Variants in ADAMTSL1 observed in about 807,000 individuals in gnomAD.
ADAMTSL1 encodes the protein ADAMTS-like protein 1.
ADAMTSL1 carries 126 observed loss-of-function variants against 201.8 expected under a neutral mutation model. The observed-to-expected ratio is 0.62, with a 90% confidence interval of 0.54 to 0.72. The LOEUF (loss-of-function observed/expected upper bound fraction) is 0.72. ADAMTSL1 is among the 30% of genes least tolerant of loss of function. ADAMTSL1 has a pLI of 0.00. For synonymous variants in ADAMTSL1, 1,121 were observed against 903.4 expected, an observed-to-expected ratio of 1.24 and a Z score of -4.32; for missense variants, 2,679 against 2,277.8, an observed-to-expected ratio of 1.18 and a Z score of -3.59.
chr9:18,403,983 C>A (rs1490459919), intron 2 of ADAMTSL1, among the ~76,000 whole-genome samples: 2 of 152,044 alleles, frequency 1.3e-5, no homozygotes, highest in Admixed American at 6.6e-5. Flanking sequence ...AAATTGAGTG[C>A]CCCGTGGAAG....
intron 2 of ADAMTSL1, among the ~76,000 whole-genome samples, chr9:18,187,551 A>G (rs978170233): frequency 1.3e-5 from 2 of 152,126 alleles, no homozygotes; most frequent in Non-Finnish European, 2.9e-5. Flanking sequence ...AAATTTAAAT[A>G]TGTGTATACA....
intron 2 of ADAMTSL1, among the ~76,000 whole-genome samples, chr9:18,201,487 A>G (rs1294217961): frequency 6.6e-6 from 1 of 152,112 alleles, no homozygotes; most frequent in Non-Finnish European, 1.5e-5. Context: ...ATATTCTTGG[A>G]AAGTTCCTAA....
intron 2 of ADAMTSL1, among the ~76,000 whole-genome samples, chr9:18,410,087 A>C (rs76194201): frequency 0.13 from 19,258 of 151,948 alleles, 1,533 homozygotes; most frequent in South Asian, 0.24. Context: ...ACATTAAACA[A>C]ATGTTTAATC....
chr9:18,270,605 A>G (rs980265161), intron 2 of ADAMTSL1, among the ~76,000 whole-genome samples: 1 of 152,186 alleles, frequency 6.6e-6, no homozygotes, highest in Non-Finnish European at 1.5e-5. Context: ...CAGTCAGCCT[A>G]TTGCCTTATT....
chr9:18,057,607 A>G (rs1822254521), intron 1 of ADAMTSL1, among the ~76,000 whole-genome samples: 1 of 152,134 alleles, frequency 6.6e-6, no homozygotes, highest in Admixed American at 6.5e-5. Flanking sequence ...TAAAATGAAA[A>G]TCTGACTGTG....
chr9:18,772,326 G>T (rs1489972959), intron 17 of ADAMTSL1, among the ~76,000 whole-genome samples: 1 of 152,172 alleles, frequency 6.6e-6, no homozygotes, highest in Non-Finnish European at 1.5e-5. Flanking sequence ...TGTGTTCCTG[G>T]AGTTTGTGGC....
chr9:18,126,979 A>G (rs889305349), intron 1 of ADAMTSL1, among the ~76,000 whole-genome samples: 1 of 152,130 alleles, frequency 6.6e-6, no homozygotes. Flanking sequence ...TGGGTGGGGA[A>G]GGAGAAGTGA....
intron 1 of ADAMTSL1, among the ~76,000 whole-genome samples, chr9:17,938,446 T>C (rs953678061): frequency 6.6e-6 from 1 of 152,156 alleles, no homozygotes; most frequent in Non-Finnish European, 1.5e-5. Context: ...TTACTGTCCA[T>C]CCTCATGCCA....
chr9:18,275,495 A>G (rs1295218103), intron 2 of ADAMTSL1, among the ~76,000 whole-genome samples: 3 of 152,262 alleles, frequency 2.0e-5, no homozygotes, highest in East Asian at 3.9e-4. Flanking sequence ...CTCTTATTCT[A>G]CTTACCAGTC....
intron 16 of ADAMTSL1, 30 bp downstream of exon 16, chr9:18,753,538 C>T: frequency 6.3e-7 from 1 of 1,585,944 alleles, no homozygotes; most frequent in East Asian, 2.3e-5. Flanking sequence ...AATATTGGAG[C>T]TTTTGTTTGC....
chr9:18,518,493 T>C (rs963697578), intron 2 of ADAMTSL1, among the ~76,000 whole-genome samples: 2 of 152,242 alleles, frequency 1.3e-5, no homozygotes, highest in Non-Finnish European at 2.9e-5. Context: ...ATTCTTTTTA[T>C]GGCTAAGTAG....
At position 18,755,506 on chromosome 9, in the gene ADAMTSL1, T is replaced by C. The variant is rs1257641783; in HGVS notation, c.2217+1998T>C. Among the ~76,000 whole-genome samples the C allele has an allele frequency of 2.0e-5, 3 of 152,224 alleles. No individual in the cohort carries two copies. In the East Asian group the frequency reaches 5.8e-4, roughly 29 times the overall value. Reference sequence around the variant, plus strand: ...TTTATGGTTATAGGTCTTAATATCGTCCTAGTCTTGAAATGCAGTGAAACA... The same window carrying C: ...TTTATGGTTATAGGTCTTAATATCGCCCTAGTCTTGAAATGCAGTGAAACA... On this transcript the variant is annotated intron_variant, in intron 16 of 28. Transcript: ENST00000380548.
intron 1 of ADAMTSL1, among the ~76,000 whole-genome samples, chr9:18,044,746 T>C (rs1195554403): frequency 6.6e-6 from 1 of 152,178 alleles, no homozygotes; most frequent in East Asian, 1.9e-4. Flanking sequence ...TTTAGCCTTT[T>C]CATTTTACCT....
chr9:18,162,183 A>C (rs1827419338), intron 1 of ADAMTSL1, among the ~76,000 whole-genome samples: 1 of 151,962 alleles, frequency 6.6e-6, no homozygotes, highest in Non-Finnish European at 1.5e-5. Context: ...CTTCCTTCTC[A>C]TGCTTCCTAC....
At chr9:17,983,643 G>A (rs1818812409) in intron 1 of ADAMTSL1, among the ~76,000 whole-genome samples, 1 of 152,214 alleles carries the variant, frequency 6.6e-6, no homozygotes, top group East Asian at 1.9e-4. Flanking sequence ...AATAGTTTTA[G>A]AATTTATGAT....
intron 2 of ADAMTSL1, among the ~76,000 whole-genome samples, chr9:18,265,653 AT>A (rs1409626738): frequency 2.0e-5 from 3 of 152,166 alleles, no homozygotes; most frequent in Non-Finnish European, 2.9e-5. Flanking sequence ...TTTGCTATTT[AT>A]TTTTTAAAAG....
chr9:17,994,772 G>C (rs1819305115), intron 1 of ADAMTSL1, among the ~76,000 whole-genome samples: 1 of 152,152 alleles, frequency 6.6e-6, no homozygotes, highest in African/African-American at 2.4e-5. Flanking sequence ...TCCAGGCACA[G>C]GCTCTTTTCT....
At chr9:18,181,416 C>T (rs1250084368) in intron 2 of ADAMTSL1, among the ~76,000 whole-genome samples, 1 of 152,076 alleles carries the variant, frequency 6.6e-6, no homozygotes, top group Non-Finnish European at 1.5e-5. Flanking sequence ...CCAGAATCTA[C>T]AATGAACTCA....
chr9:18,305,435 C>T (rs1039086765), intron 2 of ADAMTSL1, among the ~76,000 whole-genome samples: 3 of 152,182 alleles, frequency 2.0e-5, no homozygotes, highest in African/African-American at 4.8e-5. Flanking sequence ...CCCACAGAGC[C>T]CAGCAAGCTA....
Sources: gnomAD v4.1 joint callset for allele counts (sites outside exome capture counted in the v4.1 genomes callset) on GRCh38, gnomAD v4.1.1 for gene constraint, MANE v1.5 for transcripts, NCBI Gene and HGNC (gene_info 2026-07-23, HGNC 2026-07-21) for gene names.